C7: variants seen among roughly 807,000 people sequenced by gnomAD.
The protein encoded by C7 is complement component C7.
Under a neutral mutation model 104.8 loss-of-function variants are expected in C7, and 83 were observed. The ratio of observed to expected loss-of-function variants is 0.79; its 90% CI spans 0.66 to 0.95. The LOEUF (loss-of-function observed/expected upper bound fraction) is 0.95, where lower values mean the gene tolerates loss of function less well. C7 is among the 40% of genes least tolerant of loss of function. The pLI is 0.00. For missense variants in C7, 1,070 were observed against 1,011.2 expected, an observed-to-expected ratio of 1.06 and a Z score of -0.79; for synonymous variants, 415 against 360.6, an observed-to-expected ratio of 1.15 and a Z score of -1.71.
At chr5:40,950,056 T>C (rs1350530619) in intron 9 of C7, 42 bp downstream of exon 9, 1 of 722,122 alleles carries the variant, frequency 1.4e-6, no homozygotes, top group Admixed American at 3.9e-5. Flanking sequence ...GCTTAACTTC[T>C]TTTTTTTTTA....
chr5:40,965,902 T>C (rs6860578), intron 14 of C7, among the ~76,000 whole-genome samples: 118,081 of 151,532 alleles, frequency 0.78, 46,080 homozygotes, highest in South Asian at 0.93. Flanking sequence ...CTTGGCCTCT[T>C]AGGGTGCTAG....
At chr5:40,914,461 A>G (rs925292627) in intron 1 of C7, among the ~76,000 whole-genome samples, 1 of 152,112 alleles carries the variant, frequency 6.6e-6, no homozygotes, top group Non-Finnish European at 1.5e-5. Context: ...GAAGCTTTTA[A>G]TTTTAATTAA....
chr5:40,964,762 G>C lies in C7; in HGVS notation c.1771G>C (p.Val591Leu), dbSNP rs1473096851. 1 of 1,613,130 alleles carries C rather than the reference G, an allele frequency of 6.2e-7. No homozygotes were observed. The highest frequency in any genetic ancestry group is 1.3e-5 in the African/African-American group (1 of 75,004). Residue 591 changes from valine (V) to leucine (L), a missense_variant, in exon 14 of 18, where the codon GTG becomes CTG. Transcript: ENST00000313164. ...FVQDEGTMFP[V>L]GKNVVYTCNE... ...TTAGGATGAAGGTACAATGTTTCCT[G>C]TGGGGAAAAATGTAGTGTACACTTG...
intron 13 of C7, chr5:40,964,419 G>C (rs1323123812): frequency 5.1e-6 from 1 of 195,112 alleles, no homozygotes; most frequent in African/African-American, 2.4e-5. Flanking sequence ...TTTCCTAAAA[G>C]TTAAAGGAAA....
At chr5:40,945,845 CAG>C (rs1202927661) in intron 7 of C7, among the ~76,000 whole-genome samples, 4 of 141,708 alleles carry the variant, frequency 2.8e-5, no homozygotes, top group African/African-American at 1.0e-4. Flanking sequence ...GCCTGGGCAA[CAG>C]AGTGAGACCC....
chr5:40,965,203 T>G (rs1438703370), intron 14 of C7, among the ~76,000 whole-genome samples: 2 of 152,226 alleles, frequency 1.3e-5, no homozygotes, highest in Non-Finnish European at 1.5e-5. Context: ...ATCAACTTTC[T>G]TAAATGCTTT....
At position 40,979,868 on chromosome 5, in the gene C7, A is replaced by G. The variant is rs370729134; in HGVS notation, c.2309A>G (p.Glu770Gly). Residue 770 changes from glutamate (E) to glycine (G), a missense_variant, in exon 17 of 18, where the codon GAG (glutamate) becomes GGG (glycine). Glu to Gly is a moderately conservative substitution (Grantham distance 98, BLOSUM62 -2). Transcript: ENST00000313164. ...AGCTGTACTCTGCCTGCCTCAGCTG[A>G]GAAAGCTTGTGGTGCCTGCCCACTG... is the stretch of plus-strand genomic sequence containing the variant. ...RDSCTLPASA[E>G]KACGACPLWG... The G allele has an allele frequency of 1.2e-4, 197 of 1,606,394 alleles. No homozygotes were observed. Among genetic ancestry groups the G allele is most frequent in the Non-Finnish European group, 1.6e-4 (190 of 1,175,770 alleles).
intron 14 of C7, among the ~76,000 whole-genome samples, chr5:40,967,232 C>G (rs1740575944): frequency 1.3e-5 from 2 of 151,560 alleles, no homozygotes; most frequent in Non-Finnish European, 2.9e-5. Context: ...TGCCCAGCTA[C>G]TTTTTGTATT....
At chr5:40,949,669 C>G (rs1248185890) in intron 8 of C7, among the ~76,000 whole-genome samples, 2 of 152,080 alleles carry the variant, frequency 1.3e-5, no homozygotes, top group African/African-American at 2.4e-5. Context: ...CTCCCTGCAC[C>G]TTTTTATGTA....
intron 14 of C7, among the ~76,000 whole-genome samples, chr5:40,965,648 A>ATATATATTTT (rs35802990): frequency 4.6e-5 from 6 of 130,310 alleles, no homozygotes; most frequent in African/African-American, 1.9e-4. Context: ...ATATATATAT[A>ATATATATTTT]TTTTTTTTTT....
intron 12 of C7, 71 bp downstream of exon 12, chr5:40,959,691 A>G: frequency 1.7e-6 from 2 of 1,174,346 alleles, no homozygotes; most frequent in Non-Finnish European, 1.2e-6. Flanking sequence ...GGAACACATG[A>G]TTGCTGCTGT....
At chr5:40,911,891 A>C (rs1031201623) in intron 1 of C7, among the ~76,000 whole-genome samples, 1 of 150,512 alleles carries the variant, frequency 6.6e-6, no homozygotes. Context: ...GGCGTGCGCC[A>C]CCATGCCTTG....
chr5:40,954,357 G>T (rs1300716172), intron 9 of C7, among the ~76,000 whole-genome samples: 4 of 151,906 alleles, frequency 2.6e-5, no homozygotes, highest in African/African-American at 9.7e-5. Context: ...AATATTGACT[G>T]ATTCTTTGAA....
chr5:40,923,061 G>C (rs1207267696), intron 1 of C7, among the ~76,000 whole-genome samples: 1 of 152,146 alleles, frequency 6.6e-6, no homozygotes, highest in Non-Finnish European at 1.5e-5. Context: ...GAAAATATTT[G>C]CAAGCTGTTC....
rs201585884 is a variant in C7 at position 40,958,130 on chromosome 5, A to G, written c.1358A>G (p.Asp453Gly). 8.7e-6 allele frequency: 14 copies of G among 1,613,428 alleles called. No homozygotes were observed. Among genetic ancestry groups the G allele is most frequent in the Non-Finnish European group, 1.2e-5 (14 of 1,179,690 alleles). ...WALEEYLDEF[D>G]PCHCRPCQNG... ...CTTGAAGAGTATCTGGATGAATTTG[A>G]CCCCTGTCATTGCCGGCCTTGTCAA... Residue 453 changes from aspartate (D) to glycine (G), a missense_variant, in exon 11 of 18, where the codon GAC becomes GGC. Coordinates refer to ENST00000313164, the MANE Select transcript of C7 (RefSeq NM_000587.4).
intron 1 of C7, among the ~76,000 whole-genome samples, chr5:40,913,314 T>A (rs1418974869): frequency 1.3e-5 from 2 of 152,182 alleles, no homozygotes; most frequent in Non-Finnish European, 2.9e-5. Flanking sequence ...TTTGGGTAGA[T>A]ACCCAGTAGT....
At chr5:40,942,712 G>T (rs574044117) in intron 6 of C7, among the ~76,000 whole-genome samples, 1 of 151,986 alleles carries the variant, frequency 6.6e-6, no homozygotes, top group South Asian at 2.1e-4. Flanking sequence ...AAGTTGAAAA[G>T]CACGAATGGA....
intron 1 of C7, 59 bp downstream of exon 1, chr5:40,909,675 T>C: frequency 7.7e-7 from 1 of 1,299,450 alleles, no homozygotes. Context: ...TGAACGGGGG[T>C]AATATAAATG....
chr5:40,909,768 C>T (rs1490226247), intron 1 of C7, among the ~76,000 whole-genome samples, 152 bp downstream of exon 1: 1 of 152,016 alleles, frequency 6.6e-6, no homozygotes, highest in African/African-American at 2.4e-5. Flanking sequence ...AGAAAAAGAC[C>T]TGGGGGTGAT....
Sources: allele counts gnomAD v4.1 joint callset (sites outside exome capture counted in the v4.1 genomes callset), GRCh38; gene constraint gnomAD v4.1.1; transcripts MANE v1.5; gene names NCBI Gene and HGNC (gene_info 2026-07-23, HGNC 2026-07-21).